RAI14: variants seen among roughly 807,000 people sequenced by gnomAD.
RAI14 encodes ankycorbin.
Under a neutral mutation model 115.4 loss-of-function variants are expected in RAI14, and 45 were observed. The observed-to-expected ratio is 0.39, with a 90% CI of 0.31 to 0.50. RAI14 has a LOEUF of 0.50. Ranked by LOEUF, RAI14 falls within the 20% of genes least tolerant of loss-of-function variation. The probability of loss-of-function intolerance (pLI) is 0.85; values close to 1 mark genes in which losing one functional copy is unlikely to be tolerated. For synonymous variants in RAI14, 371 were observed against 415.4 expected, an observed-to-expected ratio of 0.89 and a Z score of 1.30; for missense variants, 939 against 1,131.2, an observed-to-expected ratio of 0.83 and a Z score of 2.44.
intron 3 of RAI14, among the ~76,000 whole-genome samples, chr5:34,786,754 C>G (rs1040878582): frequency 1.3e-5 from 2 of 152,138 alleles, no homozygotes; most frequent in African/African-American, 4.8e-5. Flanking sequence ...TTGCCGAGAC[C>G]AGCTCGGTCG....
chr5:34,803,482 G>A (rs1487550933), intron 4 of RAI14, among the ~76,000 whole-genome samples: 3 of 152,136 alleles, frequency 2.0e-5, no homozygotes, highest in African/African-American at 4.8e-5. Context: ...ACTTTAGCCT[G>A]GGAGGTTGAG....
At chr5:34,796,805 A>G (rs1753592367) in intron 4 of RAI14, among the ~76,000 whole-genome samples, 1 of 152,088 alleles carries the variant, frequency 6.6e-6, no homozygotes, top group Non-Finnish European at 1.5e-5. Flanking sequence ...AAGGGAAAAG[A>G]GAAGAATAAA....
At chr5:34,731,902 C>T (rs1405739342) in intron 2 of RAI14, among the ~76,000 whole-genome samples, 8 of 152,276 alleles carry the variant, frequency 5.3e-5, no homozygotes, top group African/African-American at 1.9e-4. Flanking sequence ...CTGATGCGGC[C>T]AGGGGGCCAT....
intron 2 of RAI14, among the ~76,000 whole-genome samples, chr5:34,746,418 T>TA (rs397689897): frequency 6.8e-6 from 1 of 147,978 alleles, no homozygotes; most frequent in African/African-American, 2.5e-5. Context: ...TTTTTTTTTT[T>TA]AACGGAGACA....
chr5:34,813,717 T>G, intron 11 of RAI14, 57 bp downstream of exon 11: 2 of 1,432,962 alleles, frequency 1.4e-6, no homozygotes, highest in Non-Finnish European at 1.9e-6. Context: ...GCCATAAATT[T>G]GTCATTTTGT....
At chr5:34,808,685 G>C in intron 7 of RAI14, 31 bp downstream of exon 7, 1 of 1,596,174 alleles carries the variant, frequency 6.3e-7, no homozygotes. Context: ...AGAGGCAGAG[G>C]TAGACATTGG....
intron 3 of RAI14, among the ~76,000 whole-genome samples, chr5:34,760,057 C>T (rs1005015334): frequency 6.6e-6 from 1 of 152,016 alleles, no homozygotes; most frequent in African/African-American, 2.4e-5. Context: ...GGCCGGAGTG[C>T]AGTAGCGTGA....
intron 12 of RAI14, 77 bp downstream of exon 12, chr5:34,814,746 G>C: frequency 9.0e-7 from 1 of 1,113,668 alleles, no homozygotes; most frequent in East Asian, 2.4e-5. Context: ...ATATAACACT[G>C]GGAAAAACAG....
rs1045681837 is a variant in RAI14 at position 34,831,959 on chromosome 5, T to C, written c.*1194T>C. 1.2e-4 allele frequency: 19 copies of C among 152,220 alleles called. No individual in the cohort carries two copies. Among genetic ancestry groups the C allele is most frequent in the African/African-American group, 4.3e-4 (18 of 41,456 alleles). 9.4% of individuals were successfully genotyped at this position (152,220 alleles called of 1,614,324 possible). A position where few individuals can be genotyped will look rare whatever the true frequency, so the allele number is the denominator to read the frequency against. ...GAAGGACTGTTAGTACCAATCTGTT[T>C]TTCAACTTTGAAGCTAAAAACCCTG... On this transcript the variant is annotated 3_prime_UTR_variant, in exon 18 of 18. Coordinates refer to ENST00000265109, the MANE Select transcript of RAI14 (RefSeq NM_015577.3).
intron 1 of RAI14, among the ~76,000 whole-genome samples, chr5:34,660,563 G>A (rs1742613050): frequency 6.6e-6 from 1 of 152,140 alleles, no homozygotes; most frequent in Admixed American, 6.5e-5. Flanking sequence ...GTGTGACCTT[G>A]GATTACTCAC....
At chr5:34,829,927 G>A in intron 17 of RAI14, 130 bp downstream of exon 17, 2 of 759,780 alleles carry the variant, frequency 2.6e-6, no homozygotes, top group South Asian at 3.9e-5. Context: ...TGGAAAGCCT[G>A]AATATGCCTT....
rs562648092 is a variant in RAI14, at chr5:34,687,018, C to A, written c.36+63C>A. 32 of 1,573,180 alleles carry A rather than the reference C, an allele frequency of 2.0e-5. No individual in the cohort carries two copies. The African/African-American group carries it at 3.8e-4, about 19-fold the overall frequency. ...TTCTCCATGGAGCTGCAGAAACGCT[C>A]CTCCCCACCTTGATAAGGCGCTGTT... On this transcript the variant is annotated intron_variant, in intron 2 of 17. Transcript: ENST00000265109.
intron 5 of RAI14, among the ~76,000 whole-genome samples, chr5:34,804,388 CA>C (rs1754621428): frequency 6.6e-6 from 1 of 152,136 alleles, no homozygotes; most frequent in Non-Finnish European, 1.5e-5. Flanking sequence ...AATGAACTCC[CA>C]ATAGCCATCC....
intron 2 of RAI14, among the ~76,000 whole-genome samples, chr5:34,706,964 T>C (rs1269937325): frequency 6.6e-6 from 1 of 152,132 alleles, no homozygotes; most frequent in East Asian, 1.9e-4. Flanking sequence ...TTGCAGCATA[T>C]TGAGAGATGA....
At chr5:34,774,191 T>TAAA (rs556425919) in intron 3 of RAI14, among the ~76,000 whole-genome samples, 5 of 141,340 alleles carry the variant, frequency 3.5e-5, no homozygotes, top group African/African-American at 1.3e-4. Flanking sequence ...TGTGTCTACT[T>TAAA]AAAAAAAAAA....
intron 3 of RAI14, among the ~76,000 whole-genome samples, chr5:34,788,134 G>A (rs982507480): frequency 2.0e-4 from 31 of 151,746 alleles, no homozygotes; most frequent in African/African-American, 7.5e-4. Context: ...GTTCAGGCTG[G>A]TCTTGAACTC....
At chr5:34,801,966 A>G (rs1339742681) in intron 4 of RAI14, among the ~76,000 whole-genome samples, 1 of 152,100 alleles carries the variant, frequency 6.6e-6, no homozygotes, top group Non-Finnish European at 1.5e-5. Flanking sequence ...AGGGAGTCTG[A>G]GGTGGGAGGA....
intron 3 of RAI14, among the ~76,000 whole-genome samples, chr5:34,780,281 C>T (rs935084812): frequency 6.6e-6 from 1 of 152,114 alleles, no homozygotes; most frequent in South Asian, 2.1e-4. Context: ...TAGAAGAAAA[C>T]CTAGGCAATA....
At chr5:34,765,917 C>T (rs1749285544) in intron 3 of RAI14, among the ~76,000 whole-genome samples, 1 of 152,248 alleles carries the variant, frequency 6.6e-6, no homozygotes, top group South Asian at 2.1e-4. Flanking sequence ...CCCTGTGTCC[C>T]AGCTGCTCCA....
Sources: allele counts gnomAD v4.1 joint callset (sites outside exome capture counted in the v4.1 genomes callset), GRCh38; gene constraint gnomAD v4.1.1; transcripts MANE v1.5; gene names NCBI Gene and HGNC (gene_info 2026-07-23, HGNC 2026-07-21).